The following CCDC7 variants were observed in gnomAD, a reference collection of about 807,000 sequenced individuals.
CCDC7 encodes the protein coiled-coil domain-containing protein 7.
Under a neutral mutation model 196.9 loss-of-function variants are expected in CCDC7, and 183 were observed. The observed-to-expected ratio is 0.93, with a 90% confidence interval of 0.82 to 1.05. The LOEUF is 1.05. CCDC7 is among the 50% of genes least tolerant of loss of function. CCDC7 has a pLI of 0.00. For missense variants in CCDC7, 1,540 were observed against 1,482.2 expected (o/e 1.04, Z -0.64); for synonymous variants, 525 against 484.6 (o/e 1.08, Z -1.10).
intron 24 of CCDC7, among the ~76,000 whole-genome samples, chr10:32,709,263 T>C (rs183837256): frequency 0.045 from 6,132 of 136,688 alleles, 125 homozygotes; most frequent in Middle Eastern, 0.081. Context: ...TAGGTGGGAA[T>C]TGAACAATGA....
intron 21 of CCDC7, among the ~76,000 whole-genome samples, chr10:32,677,687 T>C (rs1762530): frequency 0.83 from 126,829 of 151,966 alleles, 53,547 homozygotes; most frequent in Non-Finnish European, 0.9. Context: ...TCAGTGTAAA[T>C]TTCTTAAGAT....
chr10:32,821,837 C>T (rs1422840066), intron 31 of CCDC7, among the ~76,000 whole-genome samples: 20 of 152,000 alleles, frequency 1.3e-4, no homozygotes. Flanking sequence ...GGAGGGATAG[C>T]ATTAGGAGAT....
intron 18 of CCDC7, among the ~76,000 whole-genome samples, chr10:32,594,266 G>T (rs1430354589): frequency 6.6e-6 from 1 of 152,054 alleles, no homozygotes; most frequent in African/African-American, 2.4e-5. Context: ...GTCCTTCACA[G>T]GCCCTGTAAG....
Position 32,777,963 on chromosome 10 carries a change from A to G in CCDC7, c.2906-1014A>G, listed in dbSNP as rs570878782. Among the ~76,000 whole-genome samples, 33 of 152,256 alleles carry G rather than the reference A, an allele frequency of 2.2e-4. 1 individual carries two copies. Among genetic ancestry groups the G allele is most frequent in the African/African-American group, 7.2e-4 (30 of 41,538 alleles). ...GATTAGTGATGTGGAGCATTTTTTC[A>G]TATGTTTCTTGGCCACTTGTATGTC... On this transcript the variant is annotated intron_variant, in intron 28 of 41. Transcript: ENST00000639629.
Position 32,830,121 on chromosome 10 carries a change from G to GATATATATATAT in CCDC7, c.3269-4685_3269-4674dup. Among the ~76,000 whole-genome samples, 95 of 50,640 alleles carry GATATATATATAT rather than the reference G, an allele frequency of 1.9e-3. 15 individuals are homozygous for GATATATATATAT. Among genetic ancestry groups the GATATATATATAT allele is most frequent in the East Asian group, 3.3e-3 (6 of 1,796 alleles). 33.2% of individuals were successfully genotyped at this position (50,640 alleles called of 152,430 possible). ...TCCTATTAGTTCTTATATATATAAG[G>GATATATATATAT]ATATATATATATATATATATCCTAT... On this transcript the variant is annotated intron_variant, in intron 32 of 41. Transcript: ENST00000639629.
chr10:32,611,267 T>G (rs1169125183), intron 18 of CCDC7, among the ~76,000 whole-genome samples: 2 of 152,232 alleles, frequency 1.3e-5, no homozygotes, highest in East Asian at 3.8e-4. Flanking sequence ...TTGATGGGGT[T>G]GTTTGTTTTT....
intron 29 of CCDC7, 94 bp from the exon 31 acceptor site, chr10:32,804,921 T>C (rs2135150270): frequency 1.4e-6 from 1 of 710,134 alleles, no homozygotes; most frequent in Non-Finnish European, 2.4e-6. Context: ...CAAAGGCTGA[T>C]TAATTTAATA....
chr10:32,779,406 AGTT>A (rs1419811449), intron 29 of CCDC7, among the ~76,000 whole-genome samples: 3 of 152,232 alleles, frequency 2.0e-5, no homozygotes, highest in Non-Finnish European at 4.4e-5. Flanking sequence ...TTGAGGACAT[AGTT>A]GTAATTTCTT....
chr10:32,560,256 T>C lies in CCDC7; in HGVS notation c.1135-5302T>C, dbSNP rs538061123. Among the ~76,000 whole-genome samples the C allele has an allele frequency of 5.2e-3, 788 of 152,254 alleles. 11 individuals carry two copies. The highest frequency in any genetic ancestry group is 0.017 in the African/African-American group (697 of 41,534). ...AAGTTGGAAAACACTCTGCAAGATA[T>C]TATCCAGGAGAACTTCCCCAATCTA... is the stretch of plus-strand genomic sequence containing the variant. On this transcript the variant is annotated intron_variant, in intron 13 of 41. Coordinates refer to ENST00000639629, the Ensembl canonical transcript of CCDC7.
intron 18 of CCDC7, among the ~76,000 whole-genome samples, chr10:32,631,912 T>C (rs184477493): frequency 5.1e-4 from 77 of 152,206 alleles, no homozygotes; most frequent in African/African-American, 1.6e-3. Context: ...CTATTATTAA[T>C]TTTCAAACTG....
chr10:32,843,214 T>G (rs1227147547), intron 33 of CCDC7, among the ~76,000 whole-genome samples: 2 of 151,786 alleles, frequency 1.3e-5, no homozygotes, highest in East Asian at 3.8e-4. Flanking sequence ...ACTAAAAATA[T>G]GTACTTGCTC....
chr10:32,495,011 A>G (rs1205231395), intron 9 of CCDC7, among the ~76,000 whole-genome samples: 1 of 152,204 alleles, frequency 6.6e-6, no homozygotes, highest in Non-Finnish European at 1.5e-5. Flanking sequence ...ACTCCCACCA[A>G]CAGTGTAAAA....
At chr10:32,736,662 AT>A (rs148939080) in intron 28 of CCDC7, among the ~76,000 whole-genome samples, 13,378 of 151,498 alleles carry the variant, frequency 0.088, 850 homozygotes, top group East Asian at 0.33. Flanking sequence ...TAATTACCTC[AT>A]TTTTTTGGTG....
intron 22 of CCDC7, among the ~76,000 whole-genome samples, chr10:32,687,668 C>G (rs61284137): frequency 0.14 from 21,792 of 152,116 alleles, 1,901 homozygotes; most frequent in African/African-American, 0.25. Flanking sequence ...ACTATGACCT[C>G]TTTGAACTCT....
intron 24 of CCDC7, among the ~76,000 whole-genome samples, chr10:32,701,106 G>C (rs2078638409): frequency 6.6e-6 from 1 of 152,164 alleles, no homozygotes. Flanking sequence ...GATAGGAGTG[G>C]TAAGAGAGGG....
intron 9 of CCDC7, among the ~76,000 whole-genome samples, chr10:32,500,076 C>T (rs1031948924): frequency 6.6e-6 from 1 of 152,228 alleles, no homozygotes; most frequent in African/African-American, 2.4e-5. Context: ...TTCAACAAAA[C>T]CGCCACTGTC....
At chr10:32,659,963 C>T (rs72782247) in intron 20 of CCDC7, among the ~76,000 whole-genome samples, 1 of 152,074 alleles carries the variant, frequency 6.6e-6, no homozygotes, top group Non-Finnish European at 1.5e-5. Flanking sequence ...GCCCAGCAAT[C>T]CCGTTACTGG....
intron 31 of CCDC7, among the ~76,000 whole-genome samples, chr10:32,822,011 AT>A (rs2090333674): frequency 6.7e-6 from 1 of 149,972 alleles, no homozygotes; most frequent in Non-Finnish European, 1.5e-5. Flanking sequence ...AAAAAAAAAA[AT>A]CTACCAACCA....
At chr10:32,479,108 A>C (rs1031175953) in intron 8 of CCDC7, among the ~76,000 whole-genome samples, 1 of 152,060 alleles carries the variant, frequency 6.6e-6, no homozygotes, top group African/African-American at 2.4e-5. Flanking sequence ...GTATTTGTTT[A>C]TTGTCCCTTT....
Sources: allele counts gnomAD v4.1 joint callset (sites outside exome capture counted in the v4.1 genomes callset), GRCh38; gene constraint gnomAD v4.1.1; transcripts MANE v1.5; gene names NCBI Gene and HGNC (gene_info 2026-07-23, HGNC 2026-07-21).